The following ITIH5 variants were observed in gnomAD, a reference collection of about 807,000 sequenced individuals.
The protein encoded by ITIH5 is inter-alpha-trypsin inhibitor heavy chain H5.
In ITIH5, 65 loss-of-function variants were observed where a neutral mutation model predicts 77.5. The ratio of observed to expected loss-of-function variants is 0.84; its 90% CI spans 0.69 to 1.03. The LOEUF is 1.03. Ranked by LOEUF, ITIH5 falls within the 50% of genes least tolerant of loss-of-function variation. The pLI, the probability that ITIH5 is intolerant of heterozygous loss-of-function variation, is 0.00. For synonymous variants in ITIH5, 525 were observed against 494.3 expected (o/e 1.06, Z -0.82); for missense variants, 1,208 against 1,213.1 (o/e 1.00, Z 0.06).
chr10:7,597,729 G>A (rs2130999942), intron 7 of ITIH5, among the ~76,000 whole-genome samples: 1 of 152,290 alleles, frequency 6.6e-6, no homozygotes, highest in South Asian at 2.1e-4. Context: ...GATGTCCCCA[G>A]GCTCTGGGTG....
Position 7,580,064 on chromosome 10 carries a change from C to T in ITIH5, c.1109G>A (p.Gly370Asp). 6.3e-7 allele frequency: 1 copy of T among 1,595,588 alleles called. No individual in the cohort carries two copies. Residue 370 changes from glycine (G) to aspartate (D), a missense_variant and splice_region_variant, in exon 9 of 14, where the codon GGC becomes GAC. Gly to Asp is a moderately conservative substitution (Grantham distance 94). Transcript: ENST00000397146. ...VYIHHMSPTG[G>D]TDINGALQRA... ...CTGCAGGGCCCCGTTGATGTCTGTG[C>T]CTGCAGGACACCAACACGGAACAGC... is the stretch of plus-strand genomic sequence containing the variant.
chr10:7,616,829 A>T (rs971501418), intron 6 of ITIH5, among the ~76,000 whole-genome samples: 2 of 152,160 alleles, frequency 1.3e-5, no homozygotes, highest in Non-Finnish European at 2.9e-5. Flanking sequence ...TTGGTCTCAA[A>T]AATAAAATAA....
intron 7 of ITIH5, 66 bp from the exon 8 acceptor site, chr10:7,586,135 G>T: frequency 2.1e-6 from 3 of 1,398,708 alleles, no homozygotes; most frequent in Non-Finnish European, 2.9e-6. Flanking sequence ...CCCTGTTCTA[G>T]AAACCGCCCC....
intron 7 of ITIH5, among the ~76,000 whole-genome samples, chr10:7,605,060 G>C (rs547677663): frequency 8.6e-5 from 13 of 152,046 alleles, no homozygotes; most frequent in African/African-American, 3.1e-4. Context: ...GACCTCAGAT[G>C]ATCTGCCCCT....
At chr10:7,610,773 C>A (rs1311774509) in intron 7 of ITIH5, among the ~76,000 whole-genome samples, 2 of 152,242 alleles carry the variant, frequency 1.3e-5, no homozygotes, top group African/African-American at 4.8e-5. Context: ...CCACTCAAGG[C>A]AGCGAGGGGC....
intron 2 of ITIH5, among the ~76,000 whole-genome samples, chr10:7,650,527 G>A (rs1294403253): frequency 6.6e-6 from 1 of 152,136 alleles, no homozygotes; most frequent in Non-Finnish European, 1.5e-5. Context: ...CTGAGATCAG[G>A]AGTTTGAGAC....
chr10:7,566,255 C>T lies in ITIH5; in HGVS notation c.2302G>A (p.Gly768Arg), dbSNP rs1160811457. Residue 768 changes from glycine to arginine, a missense_variant, in exon 13 of 14, where the codon GGG (glycine) becomes AGG (arginine). Gly to Arg is a moderately radical substitution (Grantham distance 125, BLOSUM62 -2). Coordinates refer to ENST00000397146, the MANE Select transcript of ITIH5 (RefSeq NM_030569.7). ...ITPSRVILDGGDRLVLPCNQS... is the reference protein window; with the variant it reads ...ITPSRVILDGRDRLVLPCNQS... ...TTGCAGGGGAGCACCAGTCTGTCCC[C>T]ACCATCCAAGATGACTCTGCTCGGT... The T allele has an allele frequency of 4.3e-6, 7 of 1,613,264 alleles. No homozygotes were observed. Among genetic ancestry groups the T allele is most frequent in the Non-Finnish European group, 5.9e-6 (7 of 1,179,686 alleles).
intron 12 of ITIH5, 46 bp from the exon 13 acceptor site, chr10:7,566,453 G>A: frequency 6.5e-7 from 1 of 1,544,746 alleles, no homozygotes; most frequent in East Asian, 2.3e-5. Flanking sequence ...ATCTGACCAG[G>A]AGTGGTGGCT....
intron 8 of ITIH5, among the ~76,000 whole-genome samples, chr10:7,584,439 G>A (rs1000073385): frequency 6.6e-6 from 1 of 151,758 alleles, no homozygotes; most frequent in Non-Finnish European, 1.5e-5. Flanking sequence ...AAGTAGCTGG[G>A]ATTACAGGCA....
At chr10:7,651,805 G>A (rs966360849) in intron 2 of ITIH5, among the ~76,000 whole-genome samples, 2 of 152,008 alleles carry the variant, frequency 1.3e-5, no homozygotes, top group Non-Finnish European at 2.9e-5. Context: ...TGCAGGCTCT[G>A]AGACACACAC....
At chr10:7,649,371 C>T (rs1419477342) in intron 2 of ITIH5, among the ~76,000 whole-genome samples, 1 of 151,902 alleles carries the variant, frequency 6.6e-6, no homozygotes, top group Non-Finnish European at 1.5e-5. Flanking sequence ...GATCATGAGA[C>T]ATAATAGTGC....
intron 7 of ITIH5, among the ~76,000 whole-genome samples, chr10:7,600,130 C>G (rs1832985696): frequency 6.6e-6 from 1 of 152,186 alleles, no homozygotes; most frequent in Admixed American, 6.5e-5. Context: ...CACATCTCTT[C>G]CTACTCTGTC....
intron 7 of ITIH5, among the ~76,000 whole-genome samples, chr10:7,607,183 C>G (rs553075399): frequency 6.6e-6 from 1 of 152,342 alleles, no homozygotes; most frequent in Admixed American, 6.5e-5. Flanking sequence ...TTGCTCTAGA[C>G]AGGTGTCAGC....
chr10:7,603,300 G>A (rs1588391687), intron 7 of ITIH5, among the ~76,000 whole-genome samples: 1 of 152,296 alleles, frequency 6.6e-6, no homozygotes, highest in East Asian at 1.9e-4. Flanking sequence ...GGCACAAAAG[G>A]CCGCACACTG....
chr10:7,568,164 A>C (rs2130942678), intron 12 of ITIH5, among the ~76,000 whole-genome samples: 1 of 152,340 alleles, frequency 6.6e-6, no homozygotes, highest in South Asian at 2.1e-4. Context: ...ATGCATGTTA[A>C]ATGTGTTTTG....
chr10:7,606,789 A>T (rs1027011886), intron 7 of ITIH5, among the ~76,000 whole-genome samples: 1 of 152,176 alleles, frequency 6.6e-6, no homozygotes, highest in East Asian at 1.9e-4. Context: ...TCTAAGATAT[A>T]CTTCATCCGG....
chr10:7,656,538 C>A (rs1473349678), intron 1 of ITIH5, among the ~76,000 whole-genome samples: 3 of 152,038 alleles, frequency 2.0e-5, no homozygotes, highest in African/African-American at 7.2e-5. Flanking sequence ...TTAAAAAAAA[C>A]TCATTAATAA....
At chr10:7,649,754 A>G (rs1243626090) in intron 2 of ITIH5, among the ~76,000 whole-genome samples, 2 of 152,202 alleles carry the variant, frequency 1.3e-5, no homozygotes, top group African/African-American at 2.4e-5. Flanking sequence ...TAGAAAAGAG[A>G]GCATGCTGTG....
chr10:7,595,201 G>A (rs911353145), intron 7 of ITIH5, among the ~76,000 whole-genome samples: 2 of 151,960 alleles, frequency 1.3e-5, no homozygotes, highest in Admixed American at 6.6e-5. Context: ...CCTGGGCAAC[G>A]GAGCGAGACC....
Sources: gnomAD v4.1 joint callset for allele counts (sites outside exome capture counted in the v4.1 genomes callset) on GRCh38, gnomAD v4.1.1 for gene constraint, MANE v1.5 for transcripts, NCBI Gene and HGNC (gene_info 2026-07-23, HGNC 2026-07-21) for gene names.